Variants in NRXN3 observed in about 807,000 individuals in gnomAD.
NRXN3 encodes the protein neurexin 3.
In NRXN3, 32 loss-of-function variants were observed where a neutral mutation model predicts 137.6. The observed-to-expected ratio is 0.23, with a 90% CI of 0.18 to 0.31. NRXN3 has a LOEUF of 0.31. Ranked by LOEUF, NRXN3 falls within the 10% of genes least tolerant of loss-of-function variation. NRXN3 has a pLI of 1.00. For synonymous variants in NRXN3, 798 were observed against 784.5 expected, an observed-to-expected ratio of 1.02 and a Z score of -0.29; for missense variants, 1,574 against 2,062.5, an observed-to-expected ratio of 0.76 and a Z score of 4.59.
At chr14:78,670,156 C>G (rs2097921258) in intron 6 of NRXN3, among the ~76,000 whole-genome samples, 1 of 152,034 alleles carries the variant, frequency 6.6e-6, no homozygotes, top group Admixed American at 6.6e-5. Flanking sequence ...TGATGGTTTC[C>G]AGCTTCAGCC....
Position 79,205,326 on chromosome 14 carries a change from A to T in NRXN3, c.3262+217185A>T, listed in dbSNP as rs563271591. On this transcript the variant is annotated intron_variant, in intron 15 of 20. Coordinates refer to ENST00000335750, the MANE Select transcript of NRXN3 (RefSeq NM_001330195.2). ...ATTCTAATTAACATTGGTGTTTTTAATATATATCTTAAAACTATAATTTTT... is the reference window on the plus strand; with the variant it reads ...ATTCTAATTAACATTGGTGTTTTTATTATATATCTTAAAACTATAATTTTT... 7.9e-5 allele frequency among the ~76,000 whole-genome samples: 12 copies of T among 152,222 alleles called. No homozygotes were observed. In the East Asian group the frequency reaches 2.3e-3, roughly 29 times the overall value.
chr14:79,051,775 C>T lies in NRXN3; in HGVS notation c.3262+63634C>T, dbSNP rs947699269. Among the ~76,000 whole-genome samples the T allele has an allele frequency of 3.3e-5, 5 of 152,140 alleles. No homozygotes were observed. The East Asian group carries it at 7.7e-4, about 23-fold the overall frequency. On this transcript the variant is annotated intron_variant, in intron 15 of 20. Transcript: ENST00000335750. ...AAGGTTTGGAGAGAGAGCAGTGCAC[C>T]GCTAAGGGAGGTATCAGTACCTGGA...
chr14:79,777,462 T>C lies in NRXN3; in HGVS notation c.4015-27650T>C, dbSNP rs141596388. Among the ~76,000 whole-genome samples the C allele has an allele frequency of 2.0e-3, 281 of 140,266 alleles. 11 individuals carry two copies. The East Asian group carries it at 0.047, about 24-fold the overall frequency. The allele number at this position is 140,266 out of a possible 152,430, so 92.0% of individuals were successfully genotyped here. On this transcript the variant is annotated intron_variant, in intron 19 of 20. Transcript: ENST00000335750. ...CTGTAGTGCAAGAAATTGAACAAAG[T>C]ATTGGAATTTTTCTAAAAAAAAAAA...
intron 12 of NRXN3, 24 bp from the exon 13 acceptor site, chr14:78,967,184 G>GTTTTTTTTTTTTTTTTTTTTTTTTTTT: frequency 4.2e-6 from 6 of 1,421,226 alleles, no homozygotes; most frequent in Non-Finnish European, 4.8e-6. Context: ...TCCAATTATT[G>GTTTTTTTTTTTTTTTTTTTTTTTTTTT]TTTTTTTTTT....
At chr14:79,758,939 G>A (rs1446362225) in intron 19 of NRXN3, among the ~76,000 whole-genome samples, 1 of 152,162 alleles carries the variant, frequency 6.6e-6, no homozygotes, top group Non-Finnish European at 1.5e-5. Context: ...TTGGAAGAGA[G>A]AAATTGGACA....
At chr14:79,371,163 T>C (rs577956075) in intron 15 of NRXN3, among the ~76,000 whole-genome samples, 1 of 152,308 alleles carries the variant, frequency 6.6e-6, no homozygotes, top group East Asian at 1.9e-4. Context: ...CTGGAAACAC[T>C]CAGCTGGTGG....
At chr14:78,280,335 A>G (rs1040218936) in intron 3 of NRXN3, among the ~76,000 whole-genome samples, 2 of 152,226 alleles carry the variant, frequency 1.3e-5, no homozygotes, top group African/African-American at 4.8e-5. Context: ...TGTATATATT[A>G]CATATGTATA....
chr14:79,454,728 T>C (rs1250771621), intron 15 of NRXN3, among the ~76,000 whole-genome samples: 5 of 152,202 alleles, frequency 3.3e-5, no homozygotes, highest in African/African-American at 1.2e-4. Context: ...CTCTATCATA[T>C]TTAGAACATC....
At chr14:78,314,991 CTCTTT>C (rs2078519252) in intron 4 of NRXN3, among the ~76,000 whole-genome samples, 1 of 68,230 alleles carries the variant, frequency 1.5e-5, no homozygotes, top group African/African-American at 6.6e-5. Flanking sequence ...TCCTTCCTTT[CTCTTT>C]CTTTCTTTCT....
At chr14:79,127,349 TG>T (rs2056699267) in intron 15 of NRXN3, among the ~76,000 whole-genome samples, 1 of 152,128 alleles carries the variant, frequency 6.6e-6, no homozygotes. Flanking sequence ...AATTGATTTT[TG>T]TATAAGGTGT....
At chr14:79,741,878 TATATACACAGAC>T (rs2098964513) in intron 19 of NRXN3, among the ~76,000 whole-genome samples, 1 of 152,154 alleles carries the variant, frequency 6.6e-6, no homozygotes. Context: ...TGCTTATATG[TATATACACAGAC>T]ATATACACAC....
At chr14:78,861,135 A>G (rs1389820997) in intron 10 of NRXN3, among the ~76,000 whole-genome samples, 2 of 152,154 alleles carry the variant, frequency 1.3e-5, no homozygotes, top group Non-Finnish European at 2.9e-5. Context: ...CTAAACTGAG[A>G]GTTATAGTAA....
intron 4 of NRXN3, among the ~76,000 whole-genome samples, chr14:78,408,754 G>A (rs914623394): frequency 1.3e-5 from 2 of 152,222 alleles, no homozygotes; most frequent in African/African-American, 4.8e-5. Flanking sequence ...AGGAAGGAGA[G>A]GGAATTCCTG....
chr14:79,567,129 A>T (rs925853840), intron 16 of NRXN3, among the ~76,000 whole-genome samples: 1 of 152,032 alleles, frequency 6.6e-6, no homozygotes, highest in Admixed American at 6.6e-5. Flanking sequence ...TCCAAGTATT[A>T]CAGTAAGTTG....
At position 78,827,814 on chromosome 14, in the gene NRXN3, T is replaced by C. The variant is rs74065231; in HGVS notation, c.2275+17470T>C. On this transcript the variant is annotated intron_variant, in intron 10 of 20. Transcript: ENST00000335750. Reference sequence around the variant, plus strand: ...GTCCGAGGAAAATGACAACATCCCTTTGGGGAACTGAGCTAGACCTCATAT... The same window carrying C: ...GTCCGAGGAAAATGACAACATCCCTCTGGGGAACTGAGCTAGACCTCATAT... Among the ~76,000 whole-genome samples, 1,120 of 152,306 alleles carry C rather than the reference T, an allele frequency of 7.4e-3. 13 individuals carry two copies. The highest frequency in any genetic ancestry group is 0.025 in the African/African-American group (1,028 of 41,568).
intron 10 of NRXN3, among the ~76,000 whole-genome samples, chr14:78,955,572 AG>A (rs1226907973): frequency 1.3e-5 from 2 of 152,152 alleles, no homozygotes; most frequent in Admixed American, 1.3e-4. Flanking sequence ...TTGGTCCTTT[AG>A]GTTTCCTTAC....
chr14:78,437,379 C>G (rs1230391265), intron 4 of NRXN3, among the ~76,000 whole-genome samples: 3 of 150,140 alleles, frequency 2.0e-5, no homozygotes. Context: ...GACAGAGTCT[C>G]ACTCTGTTGC....
At chr14:79,777,912 G>T (rs941022409) in intron 19 of NRXN3, among the ~76,000 whole-genome samples, 2 of 151,152 alleles carry the variant, frequency 1.3e-5, no homozygotes, top group African/African-American at 4.9e-5. Flanking sequence ...ATTTACTATA[G>T]CTACCTCAAG....
chr14:79,269,953 T>C (rs186138047), intron 15 of NRXN3, among the ~76,000 whole-genome samples: 3 of 152,308 alleles, frequency 2.0e-5, no homozygotes, highest in Admixed American at 6.5e-5. Context: ...ATTCCTCACC[T>C]CAATGAATGA....
Sources: gnomAD v4.1 joint callset for allele counts (sites outside exome capture counted in the v4.1 genomes callset) on GRCh38, gnomAD v4.1.1 for gene constraint, MANE v1.5 for transcripts, NCBI Gene and HGNC (gene_info 2026-07-23, HGNC 2026-07-21) for gene names.